The following PLA2G4C variants were observed in gnomAD, a reference collection of about 807,000 sequenced individuals.
PLA2G4C encodes phospholipase A2 group IVC.
In PLA2G4C, 64 loss-of-function variants were observed where a neutral mutation model predicts 73.8. That is an observed-to-expected ratio of 0.87 (90% CI 0.71 to 1.07). The LOEUF (loss-of-function observed/expected upper bound fraction) is 1.07. PLA2G4C is among the 50% of genes least tolerant of loss of function. The pLI is 0.00. For synonymous variants in PLA2G4C, 254 were observed against 252.1 expected, an observed-to-expected ratio of 1.01 and a Z score of -0.07; for missense variants, 622 against 665.4, an observed-to-expected ratio of 0.93 and a Z score of 0.72.
In PLA2G4C at chr19:48,095,575, C is replaced by T. The variant is rs150358598; in HGVS notation, c.598G>A (p.Ala200Thr). Residue 200 changes from alanine (A) to threonine (T), a missense_variant, in exon 7 of 17, where the codon GCT (alanine) becomes ACT (threonine). Transcript: ENST00000599921. The part of the protein sequence containing the change: ...ETWFEFTPHH[A>T]GFSALGAFVS... ...AAGGCCCCCAGTGCAGAGAAGCCAG[C>T]GTGGTGAGGGGTGAACTCGAACCAG... 798 of 1,613,962 alleles carry T rather than the reference C, an allele frequency of 4.9e-4. 3 individuals are homozygous for T. The African/African-American group carries it at 9.5e-3, about 19-fold the overall frequency.
At chr19:48,099,489 T>G (rs949174518) in intron 5 of PLA2G4C, among the ~76,000 whole-genome samples, 182 bp downstream of exon 5, 8 of 152,214 alleles carry the variant, frequency 5.3e-5, no homozygotes, top group African/African-American at 1.4e-4. Flanking sequence ...TTCTGTCACT[T>G]GCAACCACAG....
chr19:48,087,758 A>G (rs1568443011), intron 9 of PLA2G4C, among the ~76,000 whole-genome samples: 1 of 151,988 alleles, frequency 6.6e-6, no homozygotes, highest in East Asian at 1.9e-4. Context: ...AACACGGAGA[A>G]ACCCCATCTC....
intron 11 of PLA2G4C, among the ~76,000 whole-genome samples, chr19:48,076,307 C>T (rs1003211100): frequency 8.5e-5 from 13 of 152,314 alleles, no homozygotes; most frequent in Admixed American, 3.9e-4. Context: ...GGCCATGTGA[C>T]TGATCCTGGC....
At chr19:48,109,436 T>C (rs1166203668) in intron 1 of PLA2G4C, among the ~76,000 whole-genome samples, 1 of 152,052 alleles carries the variant, frequency 6.6e-6, no homozygotes, top group Non-Finnish European at 1.5e-5. Flanking sequence ...CATCTCCAGC[T>C]AAATTTTTTA....
chr19:48,095,552 G>A lies in PLA2G4C; in HGVS notation c.621C>T (p.Ala207=), dbSNP rs774112685. 2 of 1,614,060 alleles carry A rather than the reference G, an allele frequency of 1.2e-6. No homozygotes were observed. The highest frequency in any genetic ancestry group is 1.7e-6 in the Non-Finnish European group (2 of 1,179,952). Reference sequence around the variant, plus strand: ...TTCCGAAGTGGGTTATGGAAACAAAGGCCCCCAGTGCAGAGAAGCCAGCGT... The same window carrying A: ...TTCCGAAGTGGGTTATGGAAACAAAAGCCCCCAGTGCAGAGAAGCCAGCGT... ...PHHAGFSALG[A]FVSITHFGSK... The change falls in exon 7 of 17, where the codon GCC becomes GCT. Residue 207 remains alanine, a synonymous_variant. Coordinates refer to ENST00000599921, the MANE Select transcript of PLA2G4C (RefSeq NM_003706.3).
intron 1 of PLA2G4C, among the ~76,000 whole-genome samples, chr19:48,108,298 C>A (rs2032330311): frequency 6.6e-6 from 1 of 152,064 alleles, no homozygotes; most frequent in Admixed American, 6.6e-5. Context: ...CCACGTCTGG[C>A]AAAGTTTTAA....
chr19:48,062,503 G>C (rs1360630937), intron 13 of PLA2G4C, among the ~76,000 whole-genome samples: 1 of 152,052 alleles, frequency 6.6e-6, no homozygotes, highest in Non-Finnish European at 1.5e-5. Context: ...ACAGCTACTT[G>C]GGAGGCTGAG....
chr19:48,068,152 A>C (rs1482063309), intron 12 of PLA2G4C, among the ~76,000 whole-genome samples: 1 of 152,118 alleles, frequency 6.6e-6, no homozygotes, highest in African/African-American at 2.4e-5. Context: ...AAATACAAAA[A>C]TTAGCTGGGC....
intron 16 of PLA2G4C, 160 bp downstream of exon 16, chr19:48,052,837 G>A: frequency 6.0e-6 from 4 of 664,508 alleles, no homozygotes; most frequent in Non-Finnish European, 9.8e-6. Flanking sequence ...TCCTGACCCT[G>A]TTCATGGTCT....
chr19:48,098,078 C>T (rs2031693026), intron 6 of PLA2G4C, 61 bp downstream of exon 6: 1 of 1,558,932 alleles, frequency 6.4e-7, no homozygotes, highest in South Asian at 1.2e-5. Context: ...AACATTCTTC[C>T]ATTCCACTCC....
chr19:48,068,260 G>A lies in PLA2G4C; in HGVS notation c.1007-374C>T, dbSNP rs567455122. Among the ~76,000 whole-genome samples the A allele has an allele frequency of 5.7e-4, 82 of 143,656 alleles. 1 individual carries two copies. The highest frequency in any genetic ancestry group is 1.1e-3 in the South Asian group (5 of 4,572). 94.2% of individuals were successfully genotyped at this position (143,656 alleles called of 152,430 possible). The stretch of plus-strand genomic sequence containing the variant: ...GCAGAGGCTGAAGTGAGCCGAGATC[G>A]TGCCACTGAACTCCAGCCTGATGAC... On this transcript the variant is annotated intron_variant, in intron 12 of 16. Transcript: ENST00000599921.
At chr19:48,071,159 T>C (rs1398686610) in intron 12 of PLA2G4C, among the ~76,000 whole-genome samples, 3 of 152,186 alleles carry the variant, frequency 2.0e-5, no homozygotes, top group Non-Finnish European at 2.9e-5. Context: ...ATCCAGCAAA[T>C]AGTAGGCACT....
chr19:48,061,813 C>T (rs1036934167), intron 14 of PLA2G4C, 185 bp downstream of exon 14: 8 of 629,588 alleles, frequency 1.3e-5, no homozygotes, highest in South Asian at 3.6e-5. Context: ...ATCAGAAGTT[C>T]GTTGGATGTG....
intron 14 of PLA2G4C, among the ~76,000 whole-genome samples, chr19:48,059,823 C>A (rs556604402): frequency 7.1e-5 from 10 of 141,738 alleles, no homozygotes; most frequent in Admixed American, 6.7e-4. Flanking sequence ...GGCTGGAGTG[C>A]AATGGCACAA....
chr19:48,051,913 T>C (rs1467454980), intron 16 of PLA2G4C: 1 of 146,394 alleles, frequency 6.8e-6, no homozygotes, highest in Non-Finnish European at 1.5e-5. Context: ...AAGGTCTTGC[T>C]CTGTCGCCCA....
intron 4 of PLA2G4C, chr19:48,104,229 T>G (rs745917547): frequency 1.2e-4 from 23 of 184,464 alleles, no homozygotes; most frequent in Non-Finnish European, 2.6e-4. Flanking sequence ...CACCAGCAAT[T>G]GTAAGTAAAG....
In PLA2G4C at chr19:48,100,975, A is replaced by T. The variant is rs201475544; in HGVS notation, c.258-1115T>A. Among the ~76,000 whole-genome samples, 7 of 148,592 alleles carry T rather than the reference A, an allele frequency of 4.7e-5. No homozygotes were observed. The East Asian group carries it at 1.4e-3, about 29-fold the overall frequency. ...TCATTTGTTCACTCAATAAATATAT[A>T]TTATATATATTAATTTATAAAGAAA... is the stretch of plus-strand genomic sequence containing the variant. On this transcript the variant is annotated intron_variant, in intron 4 of 16. Coordinates refer to ENST00000599921, the MANE Select transcript of PLA2G4C (RefSeq NM_003706.3).
Position 48,054,924 on chromosome 19 carries a change from T to C in PLA2G4C, c.1383A>G (p.Gly461=). The C allele has an allele frequency of 1.2e-6, 2 of 1,613,964 alleles. No homozygotes were observed. Among genetic ancestry groups the C allele is most frequent in the Non-Finnish European group, 1.7e-6 (2 of 1,180,008 alleles). The change falls in exon 15 of 17, where the codon GGA becomes GGG. Residue 461 remains glycine (G), a synonymous_variant. Transcript: ENST00000599921. ...ASCYILKGET[G]PVVMHFPLFN... The stretch of plus-strand genomic sequence containing the variant: ...ACAGGGGAAAATGCATCACCACTGG[T>C]CCAGTTTCTCCTTTCAGGATGTAGC...
At chr19:48,067,679 A>G (rs1180913050) in intron 13 of PLA2G4C, 112 bp downstream of exon 13, 2 of 769,680 alleles carry the variant, frequency 2.6e-6, no homozygotes, top group East Asian at 4.9e-5. Context: ...ACCCCCCTCC[A>G]AAGCTCTGGG....
Sources: gnomAD v4.1 joint callset for allele counts (sites outside exome capture counted in the v4.1 genomes callset) on GRCh38, gnomAD v4.1.1 for gene constraint, MANE v1.5 for transcripts, NCBI Gene and HGNC (gene_info 2026-07-23, HGNC 2026-07-21) for gene names.